Variants in TMC5 observed in about 807,000 individuals in gnomAD.
The protein encoded by TMC5 is transmembrane channel-like protein 5.
TMC5 carries 86 observed loss-of-function variants against 110.5 expected under a neutral mutation model. The ratio of observed to expected loss-of-function variants is 0.78; its 90% CI spans 0.65 to 0.93. The LOEUF is 0.93. Ranked by LOEUF, TMC5 falls within the 40% of genes least tolerant of loss-of-function variation. The pLI is 0.00. For missense variants in TMC5, 1,144 were observed against 1,222.8 expected, an observed-to-expected ratio of 0.94 and a Z score of 0.96; for synonymous variants, 455 against 439.5, an observed-to-expected ratio of 1.04 and a Z score of -0.44.
chr16:19,478,743 TATTCATCCATCC>T (rs1231323791), intron 13 of TMC5, among the ~76,000 whole-genome samples: 8 of 152,216 alleles, frequency 5.3e-5, no homozygotes, highest in Middle Eastern at 3.4e-3. Flanking sequence ...TCCAGCCATC[TATTCATCCATCC>T]ATTCATCCAT....
At position 19,440,314 on chromosome 16, in the gene TMC5, T is replaced by C. The variant is rs561890521; in HGVS notation, c.276T>C (p.Ser92=). ...DYSGTRSNAY[S]AASRTSPDHP... ...CTGGCACCAGAAGCAATGCATACTC[T>C]GCAGCCTCTAGAACAAGCCCAGACC... The change falls in exon 3 of 22, where the codon TCT becomes TCC. Residue 92 remains serine (S), a synonymous_variant. Coordinates refer to ENST00000542583, the MANE Select transcript of TMC5 (RefSeq NM_001261841.2). The C allele has an allele frequency of 6.9e-5, 112 of 1,614,172 alleles. No homozygotes were observed. The South Asian group carries it at 1.1e-3, about 16-fold the overall frequency.
chr16:19,426,072 T>G (rs556124225), intron 1 of TMC5, among the ~76,000 whole-genome samples: 1 of 152,262 alleles, frequency 6.6e-6, no homozygotes, highest in East Asian at 1.9e-4. Context: ...CACTGATATA[T>G]AAGTTGTTTT....
intron 3 of TMC5, 141 bp from the exon 4 acceptor site, chr16:19,443,940 G>A (rs1232608123): frequency 1.3e-6 from 1 of 790,334 alleles, no homozygotes; most frequent in Non-Finnish European, 2.0e-6. Flanking sequence ...TACATGGATG[G>A]ATGGATGGAT....
chr16:19,439,882 T>C, intron 2 of TMC5, 78 bp from the exon 3 acceptor site: 1 of 630,468 alleles, frequency 1.6e-6, no homozygotes, highest in South Asian at 2.0e-5. Flanking sequence ...GGAGAACAGA[T>C]ACTGGAAGAT....
rs753063161 is a variant in TMC5 at position 19,412,669 on chromosome 16, G to A, written c.-308+1493G>A. Among the ~76,000 whole-genome samples, 43 of 151,816 alleles carry A rather than the reference G, an allele frequency of 2.8e-4. No individual in the cohort carries two copies. The Middle Eastern group carries it at 0.01, about 36-fold the overall frequency. Reference sequence around the variant, plus strand: ...AGGCGTGAGCCACCGCACCCAGCCCGAGCCCACCCTTTTGTGGGGATTAAA... The same window carrying A: ...AGGCGTGAGCCACCGCACCCAGCCCAAGCCCACCCTTTTGTGGGGATTAAA... On this transcript the variant is annotated intron_variant, in intron 1 of 20. Coordinates refer to the TMC5 transcript ENST00000381414.
At chr16:19,460,187 A>G in intron 5 of TMC5, 48 bp from the exon 6 acceptor site, 1 of 1,461,808 alleles carries the variant, frequency 6.8e-7, no homozygotes, top group Non-Finnish European at 9.5e-7. Context: ...CAGTGTTACG[A>G]TTCTGTTAAA....
At chr16:19,441,938 G>A (rs1338927743) in intron 3 of TMC5, among the ~76,000 whole-genome samples, 1 of 152,138 alleles carries the variant, frequency 6.6e-6, no homozygotes, top group Non-Finnish European at 1.5e-5. Context: ...TGAGTAGCTG[G>A]GATTACAGGC....
intron 5 of TMC5, among the ~76,000 whole-genome samples, chr16:19,459,467 G>A (rs553438224): frequency 6.6e-6 from 1 of 152,246 alleles, no homozygotes; most frequent in Admixed American, 6.5e-5. Context: ...AGGGGCAAAA[G>A]GAAGTGATGT....
chr16:19,486,832 GAC>G (rs1968754496), intron 15 of TMC5, 111 bp from the exon 16 acceptor site: 1 of 887,398 alleles, frequency 1.1e-6, no homozygotes. Flanking sequence ...GGATTTTGGG[GAC>G]ACACAATCCA....
chr16:19,490,747 CTTCCTTCCTTCCTTCCCTTCCTTT>C (rs1968870457), intron 18 of TMC5, among the ~76,000 whole-genome samples, 179 bp downstream of exon 18: 3 of 97,458 alleles, frequency 3.1e-5, no homozygotes, highest in Admixed American at 1.0e-4. Flanking sequence ...TCCTTCCTTC[CTTCCTTCCTTCCTTCCCTTCCTTT>C]TTTTCTTTTC....
rs990364400 is a variant in TMC5 at position 19,449,921 on chromosome 16, C to G, written c.1048+290C>G. 2.6e-5 allele frequency among the ~76,000 whole-genome samples: 4 copies of G among 152,198 alleles called. No homozygotes were observed. The East Asian group carries it at 7.7e-4, about 29-fold the overall frequency. ...AGAAATGCCCCCCAGCCATGAGGAA[C>G]TGTAAGACAATTAAACCTCTTTTGT... On this transcript the variant is annotated intron_variant, in intron 5 of 21. Coordinates refer to ENST00000542583, the MANE Select transcript of TMC5 (RefSeq NM_001261841.2).
At chr16:19,496,887 CAAAAAAAAAAAAAA>C (rs67040638) in intron 20 of TMC5, among the ~76,000 whole-genome samples, 1 of 80,244 alleles carries the variant, frequency 1.2e-5, no homozygotes, top group African/African-American at 5.2e-5. Flanking sequence ...AAGACTCTGT[CAAAAAAAAAAAAAA>C]AAAAAAAAAA....
intron 15 of TMC5, among the ~76,000 whole-genome samples, chr16:19,483,779 AAAAAG>A (rs58940905): frequency 0.36 from 53,076 of 149,170 alleles, 13,598 homozygotes; most frequent in African/African-American, 0.73. Context: ...ACTCTGTCTC[AAAAAG>A]AAAAGAAAAG....
intron 13 of TMC5, among the ~76,000 whole-genome samples, chr16:19,478,593 T>C (rs111822596): frequency 1.3e-5 from 2 of 152,336 alleles, no homozygotes; most frequent in South Asian, 2.1e-4. Flanking sequence ...TATCCATCCA[T>C]GTATGGATCC....
rs945201184 is a variant in TMC5 at position 19,463,657 on chromosome 16, T to C, written c.1237-119T>C. The C allele has an allele frequency of 2.4e-6, 3 of 1,230,630 alleles. No homozygotes were observed. The Admixed American group carries it at 6.5e-5, about 27-fold the overall frequency. The allele number at this position is 1,230,630 out of a possible 1,614,324, so 76.2% of individuals were successfully genotyped here. A position where few individuals can be genotyped will look rare whatever the true frequency, so the allele number is the denominator to read the frequency against. On this transcript the variant is annotated intron_variant, in intron 7 of 21. Coordinates refer to ENST00000542583, the MANE Select transcript of TMC5 (RefSeq NM_001261841.2). ...ATAACATTTGTAAACATGCCTAGCA[T>C]GGTGCCTGCACTTAACAATACTCCA...
At chr16:19,491,693 G>T (rs916579708) in intron 18 of TMC5, among the ~76,000 whole-genome samples, 2 of 151,720 alleles carry the variant, frequency 1.3e-5, no homozygotes, top group Non-Finnish European at 2.9e-5. Context: ...CCACCACCAC[G>T]CCCAGCTAAT....
In TMC5 at chr16:19,440,139, G is replaced by A. The variant is rs114077533; in HGVS notation, c.101G>A (p.Gly34Asp). ...NRTQGYLKTQ[G>D]YPDVPGPLNN... Reference sequence around the variant, plus strand: ...ACGCAGGGGTATTTGAAAACTCAAGGTTATCCAGATGTTCCAGGTCCTCTG... The same window carrying A: ...ACGCAGGGGTATTTGAAAACTCAAGATTATCCAGATGTTCCAGGTCCTCTG... Residue 34 changes from glycine (G) to aspartate (D), a missense_variant, in exon 3 of 22, where the codon GGT becomes GAT. By Grantham distance (94) the Gly-to-Asp change is moderately conservative. Transcript: ENST00000542583. The A allele has an allele frequency of 6.7e-5, 108 of 1,614,064 alleles. No individual in the cohort carries two copies. In the African/African-American group the frequency reaches 1.3e-3, roughly 20 times the overall value.
In TMC5 at chr16:19,440,000, G is replaced by A; in HGVS notation, c.-39G>A. The A allele has an allele frequency of 6.6e-7, 1 of 1,515,358 alleles. No individual in the cohort carries two copies. The highest frequency in any genetic ancestry group is 8.9e-7 in the Non-Finnish European group (1 of 1,117,470). The allele number at this position is 1,515,358 out of a possible 1,614,324, so 93.9% of individuals were successfully genotyped here. ...GATCCCTGAGTAATTGCAAATGCTGGGACAGTTTACCACTCCAGGGTGAAG... is the reference window on the plus strand; with the variant it reads ...GATCCCTGAGTAATTGCAAATGCTGAGACAGTTTACCACTCCAGGGTGAAG... On this transcript the variant is annotated 5_prime_UTR_variant, in exon 3 of 22. Transcript: ENST00000542583.
chr16:19,453,001 T>C (rs549356863), intron 5 of TMC5, among the ~76,000 whole-genome samples: 5 of 109,040 alleles, frequency 4.6e-5, no homozygotes, highest in African/African-American at 1.0e-4. Flanking sequence ...GAAAAAATTA[T>C]ATATATATAT....
Sources: allele counts gnomAD v4.1 joint callset (sites outside exome capture counted in the v4.1 genomes callset), GRCh38; gene constraint gnomAD v4.1.1; transcripts MANE v1.5; gene names NCBI Gene and HGNC (gene_info 2026-07-23, HGNC 2026-07-21).